The following PKP3 variants were observed in gnomAD, a reference collection of about 807,000 sequenced individuals.
PKP3 encodes the protein plakophilin 3, also known as plakophilin-3.
A neutral mutation model predicts 76.5 loss-of-function variants in PKP3; 66 were observed. The observed-to-expected ratio is 0.86, with a 90% CI of 0.71 to 1.06. The LOEUF is 1.06. PKP3 is among the 50% of genes least tolerant of loss of function. The pLI is 0.00. For synonymous variants in PKP3, 638 were observed against 516.5 expected, an observed-to-expected ratio of 1.24 and a Z score of -3.19; for missense variants, 1,338 against 1,141.0, an observed-to-expected ratio of 1.17 and a Z score of -2.49.
rs768991062 is a variant in PKP3, at chr11:404,203, G to C, written c.2271-33G>C. On this transcript the variant is annotated intron_variant, in intron 11 of 12. Coordinates refer to ENST00000331563, the MANE Select transcript of PKP3 (RefSeq NM_007183.4). This position sits in a 1 kb window ranked among gnomAD's most constrained non-coding sequence, Gnocchi z 4.2. ...TCCCAGTCCACCCTGCTTTCTGGCT[G>C]TGTGTCCCCTCCTGACTGCCCTCCA... 27 of 1,609,926 alleles carry C rather than the reference G, an allele frequency of 1.7e-5. No homozygotes were observed. The highest frequency in any genetic ancestry group is 1.5e-4 in the South Asian group (14 of 90,968).
chr11:398,180 C>G (rs112280347), intron 4 of PKP3, among the ~76,000 whole-genome samples: 37 of 57,510 alleles, frequency 6.4e-4, no homozygotes, highest in South Asian at 2.2e-3. Flanking sequence ...CGTCACCTCC[C>G]TACCCCCACA....
Position 404,860 on chromosome 11 carries a change from G to A in PKP3, c.*291G>A. The A allele has an allele frequency of 4.1e-6, 2 of 491,332 alleles. No individual in the cohort carries two copies. The highest frequency in any genetic ancestry group is 3.7e-6 in the Non-Finnish European group (1 of 268,586). The allele number at this position is 491,332 out of a possible 1,614,324, so 30.4% of individuals were successfully genotyped here. A position where few individuals can be genotyped will look rare whatever the true frequency, so the allele number is the denominator to read the frequency against. ...GGTGGGGGTTGGCTGTGGCCTGGCA[G>A]TATCTTGGGATAGCCAGCACTGGGA... On this transcript the variant is annotated 3_prime_UTR_variant, in exon 13 of 13. Coordinates refer to ENST00000331563, the MANE Select transcript of PKP3 (RefSeq NM_007183.4). This position sits in a 1 kb window ranked among gnomAD's most constrained non-coding sequence, Gnocchi z 4.2.
chr11:393,253 C>G (rs532399922), upstream of PKP3, among the ~76,000 whole-genome samples: 3 of 151,836 alleles, frequency 2.0e-5, no homozygotes, highest in East Asian at 1.9e-4. Context: ...CCACCCCCAC[C>G]AGGGGCCCCC....
At position 403,933 on chromosome 11, in the gene PKP3, C is replaced by T; in HGVS notation, c.2078-10C>T. ...AGTAGGGGTGCAGACTGACCCCCGGCCTCCCACAGCCACGAAGGTGGTGAG... is the reference window on the plus strand; with the variant it reads ...AGTAGGGGTGCAGACTGACCCCCGGTCTCCCACAGCCACGAAGGTGGTGAG... On this transcript the variant is annotated splice_polypyrimidine_tract_variant and intron_variant, in intron 10 of 12. Coordinates refer to ENST00000331563, the MANE Select transcript of PKP3 (RefSeq NM_007183.4). 1.9e-6 allele frequency: 3 copies of T among 1,588,028 alleles called. No individual in the cohort carries two copies. Among genetic ancestry groups the T allele is most frequent in the Non-Finnish European group, 2.6e-6 (3 of 1,164,948 alleles).
intron 7 of PKP3, 22 bp downstream of exon 7, chr11:400,473 AGGGGCC>A (rs1280361899): frequency 6.6e-7 from 1 of 1,524,900 alleles, no homozygotes; most frequent in African/African-American, 1.4e-5. Context: ...GGTGTGGAGG[AGGGGCC>A]GTGCCCCCGG....
rs11246144 is a variant in PKP3 at position 395,080 on chromosome 11, G to A, written c.232+556G>A. The stretch of plus-strand genomic sequence containing the variant: ...CCTAGATTTCTCTGTGGGAACAGCA[G>A]GTGGAGGAGCACCCCTCGGTGCCAG... On this transcript the variant is annotated intron_variant, in intron 1 of 12. Coordinates refer to ENST00000331563, the MANE Select transcript of PKP3 (RefSeq NM_007183.4). Among the ~76,000 whole-genome samples the A allele has an allele frequency of 6.6e-3, 1,005 of 152,252 alleles. 16 individuals are homozygous for A. The highest frequency in any genetic ancestry group is 0.049 in the South Asian group (234 of 4,820).
Position 403,322 on chromosome 11 carries a change from A to T in PKP3, c.1923+59A>T, listed in dbSNP as rs543247977. Reference sequence around the variant, plus strand: ...AGGGGTTCATGCGGTTGAGGGGGGGACAGAGGAGGGAGAGGGAGGGGAGGA... The same window carrying T: ...AGGGGTTCATGCGGTTGAGGGGGGGTCAGAGGAGGGAGAGGGAGGGGAGGA... On this transcript the variant is annotated intron_variant, in intron 9 of 12. Coordinates refer to ENST00000331563, the MANE Select transcript of PKP3 (RefSeq NM_007183.4). 2.2e-4 allele frequency: 244 copies of T among 1,092,312 alleles called. 3 individuals are homozygous for T. The African/African-American group carries it at 3.8e-3, about 17-fold the overall frequency. 67.7% of individuals were successfully genotyped at this position (1,092,312 alleles called of 1,614,324 possible). A position where few individuals can be genotyped will look rare whatever the true frequency, so the allele number is the denominator to read the frequency against.
At position 397,062 on chromosome 11, in the gene PKP3, G is replaced by A; in HGVS notation, c.561G>A (p.Gly187=). The change falls in exon 3 of 13, where the codon GGG becomes GGA. Residue 187 remains glycine (G), a synonymous_variant. Transcript: ENST00000331563. Reference sequence around the variant, plus strand: ...TCTCCCTGCGCTCGCTGCGGCTGGGGCCCGGGGGCCTGGACGACCGCTACA... The same window carrying A: ...TCTCCCTGCGCTCGCTGCGGCTGGGACCCGGGGGCCTGGACGACCGCTACA... The part of the protein sequence containing the change: ...DTLSLRSLRL[G]PGGLDDRYSL... 1 of 1,598,984 alleles carries A rather than the reference G, an allele frequency of 6.3e-7. No individual in the cohort carries two copies. Among genetic ancestry groups the A allele is most frequent in the Non-Finnish European group, 8.5e-7 (1 of 1,179,548 alleles).
In PKP3 at chr11:394,277, C is replaced by A. The variant is rs763232344; in HGVS notation, c.-16C>A. The A allele has an allele frequency of 3.3e-6, 5 of 1,494,720 alleles. No individual in the cohort carries two copies. The highest frequency in any genetic ancestry group is 4.4e-6 in the Non-Finnish European group (5 of 1,129,200). 92.6% of individuals were successfully genotyped at this position (1,494,720 alleles called of 1,614,324 possible). A position where few individuals can be genotyped will look rare whatever the true frequency, so the allele number is the denominator to read the frequency against. On this transcript the variant is annotated 5_prime_UTR_variant, in exon 1 of 13. Transcript: ENST00000331563. ...TGGAGGCGGCCGCCAGGCCCAGGCC[C>A]GGTGGACCTGCCGCCATGCAGGACG...
At chr11:396,473 T>C (rs7112031) in intron 1 of PKP3, 135 bp from the exon 2 acceptor site, 457,805 of 596,904 alleles carry the variant, frequency 0.77, 179,048 homozygotes, top group East Asian at 1. Context: ...CTGGCCCTGG[T>C]GCCCCCCTGG....
rs538107404 is a variant in PKP3, at chr11:394,530, C to A, written c.232+6C>A. ...TGAGGCCGAGACTGCCAGAGGTAGG[C>A]GGTGGGGACAGCGGCGGGGATGGCG... On this transcript the variant is annotated splice_donor_region_variant and intron_variant, in intron 1 of 12. Coordinates refer to ENST00000331563, the MANE Select transcript of PKP3 (RefSeq NM_007183.4). 62 of 1,371,796 alleles carry A rather than the reference C, an allele frequency of 4.5e-5. No homozygotes were observed. Among genetic ancestry groups the A allele is most frequent in the Non-Finnish European group, 5.7e-5 (61 of 1,069,202 alleles). 85.0% of individuals were successfully genotyped at this position (1,371,796 alleles called of 1,614,324 possible). A position where few individuals can be genotyped will look rare whatever the true frequency, so the allele number is the denominator to read the frequency against.
rs376651264 is a variant in PKP3 at position 400,081 on chromosome 11, C to T, written c.1388C>T (p.Pro463Leu). Reference protein sequence around the residue: ...LSPLSGAGGPPLIQQNASEAE... With the variant: ...LSPLSGAGGPLLIQQNASEAE... ...CCCCTGTCGGGGGCTGGGGGTCCCC[C>T]CCTCATCCAGCAGAACGCCTCGGAG... The change falls in exon 6 of 13, where the codon CCC becomes CTC. Residue 463 changes from proline to leucine, a missense_variant. Transcript: ENST00000331563. The T allele has an allele frequency of 6.3e-7, 1 of 1,598,470 alleles. No individual in the cohort carries two copies. The highest frequency in any genetic ancestry group is 1.3e-5 in the African/African-American group (1 of 74,158).
At position 404,713 on chromosome 11, in the gene PKP3, T is replaced by C; in HGVS notation, c.*144T>C. ...GGGCCCCTGTGTGCATCTTTGAGGG[T>C]CCTGGGCCACCAGGAGGGGCAGGGT... On this transcript the variant is annotated 3_prime_UTR_variant, in exon 13 of 13. Transcript: ENST00000331563. This position sits in a 1 kb window ranked among gnomAD's most constrained non-coding sequence, Gnocchi z 4.2. 2 of 701,708 alleles carry C rather than the reference T, an allele frequency of 2.9e-6. No homozygotes were observed. Among genetic ancestry groups the C allele is most frequent in the East Asian group, 5.4e-5 (2 of 36,994 alleles). The allele number at this position is 701,708 out of a possible 1,614,324, so 43.5% of individuals were successfully genotyped here.
At chr11:398,950 A>G (rs1476984426) in intron 4 of PKP3, 42 bp from the exon 5 acceptor site, 3 of 1,411,134 alleles carry the variant, frequency 2.1e-6, no homozygotes, top group Non-Finnish European at 2.9e-6. Flanking sequence ...GTCTGCATCC[A>G]TCCACATGCG....
upstream of PKP3, among the ~76,000 whole-genome samples, chr11:393,883 C>A (rs564662836): frequency 6.6e-6 from 1 of 152,180 alleles, no homozygotes; most frequent in Non-Finnish European, 1.5e-5. Flanking sequence ...CCCCCGCAGG[C>A]CCCCTGCCCT....
intron 5 of PKP3, 74 bp downstream of exon 5, chr11:399,270 C>T: frequency 2.3e-6 from 2 of 870,586 alleles, no homozygotes; most frequent in Non-Finnish European, 3.3e-6. Context: ...GCCTTCCTCC[C>T]CACCTGCCCC....
At chr11:400,243 C>G in intron 6 of PKP3, 91 bp from the exon 7 acceptor site, 2 of 1,417,184 alleles carry the variant, frequency 1.4e-6, no homozygotes, top group Non-Finnish European at 1.9e-6. Flanking sequence ...ACGCCTCGCG[C>G]TGGGGATGGG....
At position 397,386 on chromosome 11, in the gene PKP3, G is replaced by A. The variant is rs369281192; in HGVS notation, c.885G>A (p.Pro295=). 77 of 1,610,338 alleles carry A rather than the reference G, an allele frequency of 4.8e-5. No individual in the cohort carries two copies. Among genetic ancestry groups the A allele is most frequent in the African/African-American group, 1.1e-4 (8 of 74,948 alleles). ...SLSLADSGHL[P]DVHGFNSYGS... ...GCCTGGCTGACTCGGGCCACCTGCCGGACGTGCATGGGTTCAACAGCTACG... is the reference window on the plus strand; with the variant it reads ...GCCTGGCTGACTCGGGCCACCTGCCAGACGTGCATGGGTTCAACAGCTACG... Residue 295 remains proline, a synonymous_variant, in exon 3 of 13, where the codon CCG becomes CCA. Transcript: ENST00000331563.
rs766367178 is a variant in PKP3 at position 400,106 on chromosome 11, G to A, written c.1413G>A (p.Glu471=). ...CCCTCATCCAGCAGAACGCCTCGGAGGCAGAGATCTTCTACAACGCCACCG... is the reference window on the plus strand; with the variant it reads ...CCCTCATCCAGCAGAACGCCTCGGAAGCAGAGATCTTCTACAACGCCACCG... ...GPPLIQQNAS[E]AEIFYNATGF... Residue 471 remains glutamate (E), a synonymous_variant, in exon 6 of 13, where the codon GAG becomes GAA. Transcript: ENST00000331563. The A allele has an allele frequency of 1.3e-6, 2 of 1,585,378 alleles. No individual in the cohort carries two copies. Among genetic ancestry groups the A allele is most frequent in the Non-Finnish European group, 1.7e-6 (2 of 1,169,810 alleles).
Sources: gnomAD v4.1 joint callset for allele counts (sites outside exome capture counted in the v4.1 genomes callset) on GRCh38, gnomAD v4.1.1 for gene constraint, Gnocchi (gnomAD v3.1) non-coding constraint, MANE v1.5 for transcripts, NCBI Gene and HGNC (gene_info 2026-07-23, HGNC 2026-07-21) for gene names.